The following TULP4 variants were observed in gnomAD, a reference collection of about 807,000 sequenced individuals.
TULP4 encodes TUB like protein 4, also known as tubby-related protein 4.
Under a neutral mutation model 129.0 loss-of-function variants are expected in TULP4, and 16 were observed. The observed-to-expected ratio is 0.12, with a 90% CI of 0.08 to 0.19. The LOEUF (loss-of-function observed/expected upper bound fraction) is 0.19. TULP4 is among the 10% of genes least tolerant of loss of function. The pLI is 1.00. For missense variants in TULP4, 1,842 were observed against 2,059.1 expected (o/e 0.89, Z 2.04); for synonymous variants, 998 against 854.0 (o/e 1.17, Z -2.94).
At chr6:158,431,821 A>G (rs377560069) in intron 3 of TULP4, among the ~76,000 whole-genome samples, 2 of 152,264 alleles carry the variant, frequency 1.3e-5, no homozygotes, top group South Asian at 2.1e-4. Flanking sequence ...CATGGAGGCC[A>G]TGCTGACGTG....
At chr6:158,337,654 C>T (rs1050905658) in intron 1 of TULP4, among the ~76,000 whole-genome samples, 5 of 152,212 alleles carry the variant, frequency 3.3e-5, no homozygotes, top group African/African-American at 1.2e-4. Context: ...AGCCAAGTCC[C>T]TGCACCCACA....
chr6:158,387,594 A>G (rs528360375), intron 1 of TULP4, among the ~76,000 whole-genome samples: 2 of 152,320 alleles, frequency 1.3e-5, no homozygotes, highest in South Asian at 2.1e-4. Flanking sequence ...GGCATGTTCT[A>G]CTTGCTGTAA....
intron 7 of TULP4, among the ~76,000 whole-genome samples, chr6:158,480,819 TG>T: frequency 6.6e-6 from 1 of 152,326 alleles, no homozygotes; most frequent in Non-Finnish European, 1.5e-5. Context: ...TTTCATTGTC[TG>T]ATGTGGGATC....
intron 6 of TULP4, among the ~76,000 whole-genome samples, chr6:158,475,773 C>T (rs894433422): frequency 5.9e-5 from 9 of 152,192 alleles, no homozygotes; most frequent in East Asian, 3.9e-4. Flanking sequence ...GTGAACGCCC[C>T]GCCCCGTGTC....
intron 1 of TULP4, among the ~76,000 whole-genome samples, chr6:158,365,595 G>A (rs1227243836): frequency 6.6e-6 from 1 of 151,268 alleles, no homozygotes; most frequent in African/African-American, 2.4e-5. Context: ...TCCTGCCTCA[G>A]CCTCCTGAGT....
Position 158,381,953 on chromosome 6 carries a change from T to C in TULP4, c.253-31112T>C, listed in dbSNP as rs562490943. Among the ~76,000 whole-genome samples the C allele has an allele frequency of 6.6e-5, 10 of 152,318 alleles. 1 individual carries two copies. Among genetic ancestry groups the C allele is most frequent in the African/African-American group, 2.4e-4 (10 of 41,564 alleles). ...TGTTGTTGTTTTTTCCAGGTATGTC[T>C]CTCTTACTAGACAGTGAGCTCTTTT... On this transcript the variant is annotated intron_variant, in intron 1 of 13. Transcript: ENST00000367097.
intron 1 of TULP4, among the ~76,000 whole-genome samples, chr6:158,285,578 C>G (rs970080960): frequency 3.3e-5 from 5 of 152,164 alleles, no homozygotes; most frequent in African/African-American, 1.2e-4. Flanking sequence ...TGTTCACCAC[C>G]CTGAGATTCT....
At chr6:158,440,968 A>G (rs1778882225) in intron 3 of TULP4, among the ~76,000 whole-genome samples, 1 of 152,184 alleles carries the variant, frequency 6.6e-6, no homozygotes, top group Admixed American at 6.5e-5. Flanking sequence ...CACCAAATAG[A>G]GCACTCAGTA....
chr6:158,346,238 G>A (rs918086182), intron 1 of TULP4, among the ~76,000 whole-genome samples: 54 of 152,318 alleles, frequency 3.5e-4, no homozygotes, highest in African/African-American at 1.3e-3. Flanking sequence ...TACATCCTCA[G>A]CTTACGAAGA....
At chr6:158,310,523 G>T (rs1779326615), upstream of TULP4, 1 of 152,084 alleles carries the variant, frequency 6.6e-6, no homozygotes, top group Admixed American at 6.6e-5. Flanking sequence ...GTTTCACCAT[G>T]TTGGCCAGGC....
At chr6:158,345,113 G>A (rs960560426) in intron 1 of TULP4, among the ~76,000 whole-genome samples, 1 of 152,208 alleles carries the variant, frequency 6.6e-6, no homozygotes, top group East Asian at 1.9e-4. Context: ...TGAGGAAACT[G>A]CAGAAGAAAA....
rs1304304969 is a variant in TULP4 at position 158,239,045 on chromosome 6, C to T, written n.68+6742C>T. 2.9e-5 allele frequency among the ~76,000 whole-genome samples: 4 copies of T among 139,442 alleles called. No individual in the cohort carries two copies. In the East Asian group the frequency reaches 9.1e-4, roughly 32 times the overall value. 91.5% of individuals were successfully genotyped at this position (139,442 alleles called of 152,430 possible). A position where few individuals can be genotyped will look rare whatever the true frequency, so the allele number is the denominator to read the frequency against. Reference sequence around the variant, plus strand: ...CTCACCTCCCGGACGAGGCGGCTGGCCGGGCGGGGGGCTGACCCCCCCACC... The same window carrying T: ...CTCACCTCCCGGACGAGGCGGCTGGTCGGGCGGGGGGCTGACCCCCCCACC... On this transcript the variant is annotated intron_variant and non_coding_transcript_variant, in intron 1 of 1. Transcript: ENST00000620026.
chr6:158,504,867 TC>T (rs1234896500), intron 13 of TULP4, among the ~76,000 whole-genome samples: 3 of 152,204 alleles, frequency 2.0e-5, no homozygotes, highest in Non-Finnish European at 4.4e-5. Flanking sequence ...GATGGTGACT[TC>T]CTAAGGAATG....
chr6:158,453,409 G>A (rs1480449797), intron 5 of TULP4, among the ~76,000 whole-genome samples: 2 of 146,124 alleles, frequency 1.4e-5, no homozygotes, highest in African/African-American at 2.6e-5. Context: ...GCATGAACCC[G>A]AGAGGCAGAG....
intron 5 of TULP4, among the ~76,000 whole-genome samples, chr6:158,458,634 G>A (rs1554293412): frequency 6.6e-6 from 1 of 152,174 alleles, no homozygotes; most frequent in Non-Finnish European, 1.5e-5. Context: ...TTTTAAATAA[G>A]ACAGACATCA....
intron 3 of TULP4, among the ~76,000 whole-genome samples, chr6:158,440,815 A>C (rs1387041545): frequency 1.3e-5 from 2 of 152,194 alleles, no homozygotes; most frequent in Non-Finnish European, 2.9e-5. Flanking sequence ...TTTGTGGAAT[A>C]AAATATGTTT....
chr6:158,500,623 G>T (rs1026458265), intron 12 of TULP4, among the ~76,000 whole-genome samples: 1 of 152,224 alleles, frequency 6.6e-6, no homozygotes, highest in Non-Finnish European at 1.5e-5. Flanking sequence ...TTTAAACAGG[G>T]TGGTGCAGAC....
At chr6:158,326,407 G>A (rs1779749807) in intron 1 of TULP4, among the ~76,000 whole-genome samples, 2 of 152,102 alleles carry the variant, frequency 1.3e-5, no homozygotes, top group East Asian at 3.8e-4. Flanking sequence ...GTTGCTCAGT[G>A]GGCCTGCTGC....
At position 158,503,557 on chromosome 6, in the gene TULP4, C is replaced by T. The variant is rs990230709; in HGVS notation, c.3894C>T (p.Asp1298=). Residue 1298 remains aspartate (D), a synonymous_variant, in exon 13 of 14, where the codon GAC becomes GAT. Transcript: ENST00000367097. The surrounding 1 kb of genome is among the most constrained non-coding windows in gnomAD (Gnocchi z 4.3). Reference sequence around the variant, plus strand: ...CCCTTGTGTCCCCACCACCTGCCGACCTCCAAAGCCACTTGGGCACAGAGG... The same window carrying T: ...CCCTTGTGTCCCCACCACCTGCCGATCTCCAAAGCCACTTGGGCACAGAGG... The part of the protein sequence containing the change: ...EKPLVSPPPA[D]LQSHLGTEVM... 3.1e-6 allele frequency: 5 copies of T among 1,613,994 alleles called. No individual in the cohort carries two copies. The highest frequency in any genetic ancestry group is 4.2e-6 in the Non-Finnish European group (5 of 1,179,998).
Sources: allele counts gnomAD v4.1 joint callset (sites outside exome capture counted in the v4.1 genomes callset), GRCh38; gene constraint gnomAD v4.1.1; non-coding constraint Gnocchi (gnomAD v3.1); transcripts MANE v1.5; gene names NCBI Gene and HGNC (gene_info 2026-07-23, HGNC 2026-07-21).